Variants in IL1RAPL1 observed in about 807,000 individuals in gnomAD.
IL1RAPL1 encodes the protein interleukin-1 receptor accessory protein-like 1.
In IL1RAPL1, 3 loss-of-function variants were observed where a neutral mutation model predicts 48.4. The ratio of observed to expected loss-of-function variants is 0.06; its 90% CI spans 0.03 to 0.16. The LOEUF is 0.16. Ranked by LOEUF, IL1RAPL1 falls within the 10% of genes least tolerant of loss-of-function variation. The probability of loss-of-function intolerance (pLI) is 1.00; values close to 1 mark genes in which losing one functional copy is unlikely to be tolerated. For synonymous variants in IL1RAPL1, 185 were observed against 187.7 expected (o/e 0.99, Z 0.12); for missense variants, 349 against 530.6 (o/e 0.66, Z 3.36).
In IL1RAPL1 at chrX:29,257,486, C is replaced by G. The variant is rs16988485; in HGVS notation, c.83-25452C>G. On this transcript the variant is annotated intron_variant, in intron 2 of 10. Transcript: ENST00000378993. Reference sequence around the variant, plus strand: ...TTATCTCCCTTTCTAAAGTTGAATTCCAGAAGGTAGGAAAGATCCTTTCAT... The same window carrying G: ...TTATCTCCCTTTCTAAAGTTGAATTGCAGAAGGTAGGAAAGATCCTTTCAT... Among the ~76,000 whole-genome samples the G allele has an allele frequency of 2.7e-3, 304 of 111,373 alleles. 1 individual carries two copies. The highest frequency in any genetic ancestry group is 8.8e-3 in the African/African-American group (271 of 30,795).
chrX:29,570,372 A>G (rs375022639), intron 5 of IL1RAPL1, among the ~76,000 whole-genome samples: 1 of 112,641 alleles, frequency 8.9e-6, no homozygotes, highest in African/African-American at 3.2e-5. Flanking sequence ...TTATTTTAAT[A>G]CCAATAGACA....
intron 3 of IL1RAPL1, among the ~76,000 whole-genome samples, chrX:29,310,778 T>C (rs1322673840): frequency 8.9e-6 from 1 of 112,556 alleles, no homozygotes; most frequent in Non-Finnish European, 1.9e-5. Flanking sequence ...AATTGAATTT[T>C]GATTCAGACA....
intron 6 of IL1RAPL1, among the ~76,000 whole-genome samples, chrX:29,869,169 A>G (rs1442333615): frequency 8.9e-6 from 1 of 112,521 alleles, no homozygotes; most frequent in African/African-American, 3.2e-5. Flanking sequence ...ATGTTAAGTC[A>G]TAAGATACAT....
At chrX:29,590,143 C>T (rs957664752) in intron 5 of IL1RAPL1, among the ~76,000 whole-genome samples, 2 of 110,968 alleles carry the variant, frequency 1.8e-5, no homozygotes, top group African/African-American at 6.6e-5. Context: ...AACTAACTCA[C>T]TATCGCAAGG....
chrX:29,059,561 G>A (rs373577526), intron 2 of IL1RAPL1, among the ~76,000 whole-genome samples: 7 of 111,341 alleles, frequency 6.3e-5, no homozygotes, highest in African/African-American at 2.3e-4. Context: ...AACATTTTTG[G>A]GGAATGACAA....
At chrX:29,505,985 T>C (rs1935322864) in intron 5 of IL1RAPL1, among the ~76,000 whole-genome samples, 1 of 112,317 alleles carries the variant, frequency 8.9e-6, no homozygotes, top group South Asian at 3.6e-4. Context: ...ACTGATTCTT[T>C]CCTCTACTTG....
intron 6 of IL1RAPL1, among the ~76,000 whole-genome samples, chrX:29,792,396 T>C (rs139908914): frequency 0.028 from 3,155 of 111,767 alleles, 95 homozygotes; most frequent in African/African-American, 0.098. Context: ...CTCACAATTA[T>C]GGTGGTTGGA....
At chrX:29,912,494 C>G (rs1932765059) in intron 6 of IL1RAPL1, among the ~76,000 whole-genome samples, 1 of 111,310 alleles carries the variant, frequency 9.0e-6, no homozygotes, top group Non-Finnish European at 1.9e-5. Flanking sequence ...GATATGTGAG[C>G]AAAGCAGATA....
At chrX:29,327,162 G>T (rs1327660910) in intron 3 of IL1RAPL1, among the ~76,000 whole-genome samples, 1 of 110,941 alleles carries the variant, frequency 9.0e-6, no homozygotes, top group Non-Finnish European at 1.9e-5. Flanking sequence ...TATTTTAAGA[G>T]CTCTCTAGGT....
At chrX:29,325,732 A>G (rs1379950785) in intron 3 of IL1RAPL1, among the ~76,000 whole-genome samples, 1 of 112,079 alleles carries the variant, frequency 8.9e-6, no homozygotes, top group African/African-American at 3.2e-5. Flanking sequence ...ATTTATAAGA[A>G]AAAAAGTTTG....
intron 5 of IL1RAPL1, among the ~76,000 whole-genome samples, chrX:29,464,633 A>G (rs1015983325): frequency 4.4e-5 from 5 of 112,398 alleles, no homozygotes; most frequent in Admixed American, 9.5e-5. Context: ...AGGCACATGT[A>G]TGTTCATCAT....
At chrX:29,843,985 G>A (rs1931194054) in intron 6 of IL1RAPL1, among the ~76,000 whole-genome samples, 1 of 111,397 alleles carries the variant, frequency 9.0e-6, no homozygotes, top group Admixed American at 9.6e-5. Context: ...CATAGTTACA[G>A]GTTCCAGAGA....
chrX:28,716,101 T>C (rs1178963999), intron 1 of IL1RAPL1, among the ~76,000 whole-genome samples: 7 of 112,202 alleles, frequency 6.2e-5, no homozygotes. Flanking sequence ...ATTATCTCAA[T>C]AGATGCAGAA....
intron 1 of IL1RAPL1, among the ~76,000 whole-genome samples, chrX:28,592,465 T>C (rs1302187828): frequency 9.0e-6 from 1 of 111,715 alleles, no homozygotes; most frequent in African/African-American, 3.2e-5. Flanking sequence ...CTGTTTGGAA[T>C]TTTCTAGTTG....
intron 5 of IL1RAPL1, among the ~76,000 whole-genome samples, chrX:29,404,052 C>T (rs929325221): frequency 2.7e-5 from 3 of 111,932 alleles, no homozygotes; most frequent in African/African-American, 9.7e-5. Flanking sequence ...TCCCAGGATC[C>T]TCTGACCTCC....
At chrX:29,657,244 T>C (rs1473911169) in intron 5 of IL1RAPL1, among the ~76,000 whole-genome samples, 1 of 112,027 alleles carries the variant, frequency 8.9e-6, no homozygotes, top group Non-Finnish European at 1.9e-5. Context: ...AACCTCGGAA[T>C]TATTGAGCAC....
chrX:29,763,879 A>C (rs371465307), intron 6 of IL1RAPL1, among the ~76,000 whole-genome samples: 2 of 110,793 alleles, frequency 1.8e-5, no homozygotes, highest in East Asian at 5.6e-4. Context: ...AAAATGAAGA[A>C]ATATTTAAAA....
At chrX:29,834,972 A>G (rs1296201243) in intron 6 of IL1RAPL1, among the ~76,000 whole-genome samples, 1 of 112,089 alleles carries the variant, frequency 8.9e-6, no homozygotes, top group Non-Finnish European at 1.9e-5. Flanking sequence ...TTTGACACTA[A>G]TATGGATTTC....
chrX:29,704,084 G>A (rs1927126585), intron 6 of IL1RAPL1, among the ~76,000 whole-genome samples: 1 of 109,137 alleles, frequency 9.2e-6, no homozygotes, highest in African/African-American at 3.4e-5. Flanking sequence ...TATAATACCT[G>A]GCTAATTTTT....
Sources: allele counts gnomAD v4.1 joint callset (sites outside exome capture counted in the v4.1 genomes callset), GRCh38; gene constraint gnomAD v4.1.1; transcripts MANE v1.5; gene names NCBI Gene and HGNC (gene_info 2026-07-23, HGNC 2026-07-21).